The following MLLT3 variants were observed in gnomAD, a reference collection of about 807,000 sequenced individuals.
MLLT3 encodes the protein protein AF-9.
In MLLT3, 4 loss-of-function variants were observed where a neutral mutation model predicts 53.2. That is an observed-to-expected ratio of 0.08 (90% CI 0.04 to 0.17). The LOEUF (loss-of-function observed/expected upper bound fraction) is 0.17, where lower values mean the gene tolerates loss of function less well. Among genes scored for constraint, MLLT3 ranks in the 10% least tolerant of loss-of-function variants. MLLT3 has a pLI of 1.00. For missense variants in MLLT3, 569 were observed against 684.0 expected (o/e 0.83, Z 1.87); for synonymous variants, 283 against 230.6 (o/e 1.23, Z -2.06).
chr9:20,505,841 C>T (rs1825367777), intron 2 of MLLT3, among the ~76,000 whole-genome samples: 1 of 152,166 alleles, frequency 6.6e-6, no homozygotes, highest in South Asian at 2.1e-4. Context: ...TATATCCAAG[C>T]ATTAACTGTT....
chr9:20,621,911 G>A lies in MLLT3; in HGVS notation c.12+334C>T. Reference sequence around the variant, plus strand: ...ATTCGCCTCCTTCCACCGTGTGTGTGTGTGTGTGTGAGTGCGCGCGTGTGA... The same window carrying A: ...ATTCGCCTCCTTCCACCGTGTGTGTATGTGTGTGTGAGTGCGCGCGTGTGA... On this transcript the variant is annotated intron_variant, in intron 1 of 10. Transcript: ENST00000380338. The surrounding 1 kb of genome is among the most constrained non-coding windows in gnomAD (Gnocchi z 7.0). 3 of 1,384,792 alleles carry A rather than the reference G, an allele frequency of 2.2e-6. No homozygotes were observed. The highest frequency in any genetic ancestry group is 2.8e-6 in the Non-Finnish European group (3 of 1,076,454). 85.8% of individuals were successfully genotyped at this position (1,384,792 alleles called of 1,614,324 possible).
intron 2 of MLLT3, among the ~76,000 whole-genome samples, chr9:20,619,527 G>C (rs906651652): frequency 2.6e-4 from 39 of 152,154 alleles, no homozygotes. Context: ...ATTACTCTAA[G>C]AAACGACAGG....
At chr9:20,517,237 C>T (rs1307380030) in intron 2 of MLLT3, among the ~76,000 whole-genome samples, 1 of 152,012 alleles carries the variant, frequency 6.6e-6, no homozygotes, top group Non-Finnish European at 1.5e-5. Flanking sequence ...AAGGTATTGG[C>T]CAACAGTTTC....
chr9:20,532,632 G>T, intron 2 of MLLT3: 1 of 261,160 alleles, frequency 3.8e-6, no homozygotes. Flanking sequence ...CCAAGAAAGT[G>T]GTAAATCTCC....
chr9:20,423,882 G>C lies in MLLT3; in HGVS notation c.421-9457C>G, dbSNP rs114921612. ...GAGGGGTGAGGCAGGAGGATCACTT[G>C]TGCCTAGGAAGTCACTGCACTCCAG... is the stretch of plus-strand genomic sequence containing the variant. On this transcript the variant is annotated intron_variant, in intron 4 of 10. Coordinates refer to ENST00000380338, the MANE Select transcript of MLLT3 (RefSeq NM_004529.4). 3.5e-3 allele frequency among the ~76,000 whole-genome samples: 532 copies of C among 152,070 alleles called. 7 individuals are homozygous for C. The highest frequency in any genetic ancestry group is 0.012 in the African/African-American group (515 of 41,470).
intron 5 of MLLT3, among the ~76,000 whole-genome samples, chr9:20,395,923 T>C (rs1822310405): frequency 6.6e-6 from 1 of 152,172 alleles, no homozygotes; most frequent in Non-Finnish European, 1.5e-5. Flanking sequence ...CGGTAACAAC[T>C]GTACTGTAGA....
intron 2 of MLLT3, among the ~76,000 whole-genome samples, chr9:20,496,827 T>G (rs1169877139): frequency 1.3e-5 from 2 of 152,160 alleles, no homozygotes; most frequent in African/African-American, 4.8e-5. Context: ...CCTCTACAGA[T>G]AAACAGTGCT....
chr9:20,544,509 G>A (rs1818733552), intron 2 of MLLT3, among the ~76,000 whole-genome samples: 1 of 152,130 alleles, frequency 6.6e-6, no homozygotes, highest in Non-Finnish European at 1.5e-5. Flanking sequence ...TAATTATCAG[G>A]GAATGCAAAT....
chr9:20,576,015 T>C (rs1426322878), intron 2 of MLLT3, among the ~76,000 whole-genome samples: 2 of 152,230 alleles, frequency 1.3e-5, no homozygotes, highest in East Asian at 1.9e-4. Flanking sequence ...TGTTGTTTAG[T>C]GTAGCCACCT....
chr9:20,348,966 C>A (rs1820944278), intron 10 of MLLT3, among the ~76,000 whole-genome samples: 1 of 151,936 alleles, frequency 6.6e-6, no homozygotes, highest in African/African-American at 2.4e-5. Flanking sequence ...CCATTTTGTG[C>A]AAAAATACTA....
intron 2 of MLLT3, among the ~76,000 whole-genome samples, chr9:20,592,509 C>A (rs1383449534): frequency 6.6e-6 from 1 of 152,116 alleles, no homozygotes; most frequent in African/African-American, 2.4e-5. Flanking sequence ...GGACACAAGT[C>A]ATATTAGATT....
intron 5 of MLLT3, among the ~76,000 whole-genome samples, chr9:20,404,079 C>T (rs1202461556): frequency 1.3e-5 from 2 of 152,166 alleles, no homozygotes; most frequent in African/African-American, 4.8e-5. Context: ...CCTTGGCCTC[C>T]CAAAGTGCCG....
At chr9:20,486,650 G>T (rs1055797878) in intron 2 of MLLT3, among the ~76,000 whole-genome samples, 2 of 152,238 alleles carry the variant, frequency 1.3e-5, no homozygotes, top group South Asian at 2.1e-4. Context: ...ATGCAAATTG[G>T]TATCACCTCT....
chr9:20,563,524 G>C (rs1197005086), intron 2 of MLLT3, among the ~76,000 whole-genome samples: 1 of 151,994 alleles, frequency 6.6e-6, no homozygotes, highest in Admixed American at 6.6e-5. Context: ...GGAGAGAACA[G>C]CTCCATAAAG....
chr9:20,548,504 G>A (rs1483382085), intron 2 of MLLT3, among the ~76,000 whole-genome samples: 2 of 152,190 alleles, frequency 1.3e-5, no homozygotes, highest in African/African-American at 4.8e-5. Context: ...TCCCATTGGA[G>A]TACATACAGT....
At chr9:20,421,517 T>C (rs1823007903) in intron 4 of MLLT3, among the ~76,000 whole-genome samples, 1 of 152,104 alleles carries the variant, frequency 6.6e-6, no homozygotes, top group Admixed American at 6.5e-5. Context: ...AACATTATAA[T>C]ACCCAACATA....
chr9:20,355,954 T>C (rs931581021), intron 8 of MLLT3, among the ~76,000 whole-genome samples: 1 of 152,240 alleles, frequency 6.6e-6, no homozygotes, highest in Non-Finnish European at 1.5e-5. Flanking sequence ...TTTTAATCTG[T>C]AGTGGCAAGA....
chr9:20,547,469 C>A (rs1818816955), intron 2 of MLLT3, among the ~76,000 whole-genome samples: 1 of 151,112 alleles, frequency 6.6e-6, no homozygotes, highest in Non-Finnish European at 1.5e-5. Context: ...CATGATGAAA[C>A]CCCGTCTCTA....
chr9:20,420,114 T>C (rs571326996), intron 4 of MLLT3, among the ~76,000 whole-genome samples: 8 of 152,050 alleles, frequency 5.3e-5, no homozygotes, highest in Non-Finnish European at 1.2e-4. Context: ...TGGTCATTTA[T>C]TAAATGGAAA....
Sources: allele counts gnomAD v4.1 joint callset (sites outside exome capture counted in the v4.1 genomes callset), GRCh38; gene constraint gnomAD v4.1.1; non-coding constraint Gnocchi (gnomAD v3.1); transcripts MANE v1.5; gene names NCBI Gene and HGNC (gene_info 2026-07-23, HGNC 2026-07-21).